The following TMEM237 variants were observed in gnomAD, a reference collection of about 807,000 sequenced individuals.
TMEM237 encodes the protein amyotrophic lateral sclerosis 2 (juvenile) chromosome region, candidate 4.
TMEM237 carries 51 observed loss-of-function variants against 59.1 expected under a neutral mutation model. The observed-to-expected ratio is 0.86, with a 90% CI of 0.69 to 1.09. TMEM237 has a LOEUF of 1.09. TMEM237 is among the 50% of genes least tolerant of loss of function. The pLI, the probability that TMEM237 is intolerant of heterozygous loss-of-function variation, is 0.00. For synonymous variants in TMEM237, 140 were observed against 166.1 expected, an observed-to-expected ratio of 0.84 and a Z score of 1.21; for missense variants, 475 against 478.3, an observed-to-expected ratio of 0.99 and a Z score of 0.06.
intron 10 of TMEM237, 122 bp from the exon 11 acceptor site, chr2:201,627,536 G>A (rs1384070690): frequency 3.2e-6 from 2 of 633,752 alleles, no homozygotes; most frequent in African/African-American, 1.8e-5. Context: ...AAATTTATTT[G>A]ACCAAATAAA....
intron 11 of TMEM237, among the ~76,000 whole-genome samples, chr2:201,626,534 G>GA (rs751155005): frequency 0.46 from 44,538 of 95,958 alleles, 9,470 homozygotes; most frequent in Non-Finnish European, 0.51. Context: ...AGCATTTGGG[G>GA]AAAAAAAAAA....
chr2:201,637,744 C>CAAAAAAA (rs60167652), intron 4 of TMEM237, among the ~76,000 whole-genome samples: 7 of 63,398 alleles, frequency 1.1e-4, no homozygotes, highest in African/African-American at 4.0e-4. Flanking sequence ...GACTCCGTCT[C>CAAAAAAA]AAAAAAAAAA....
At chr2:201,633,944 T>C (rs1574582930) in intron 5 of TMEM237, among the ~76,000 whole-genome samples, 1 of 152,272 alleles carries the variant, frequency 6.6e-6, no homozygotes, top group African/African-American at 2.4e-5. Context: ...AAGAAGCTCA[T>C]CAGAGACAGT....
chr2:201,631,695 G>C (rs1231169001), intron 7 of TMEM237, among the ~76,000 whole-genome samples: 1 of 152,126 alleles, frequency 6.6e-6, no homozygotes, highest in Admixed American at 6.6e-5. Context: ...TTTCCTTCAA[G>C]TCTTTTGTCC....
Position 201,622,634 on chromosome 2 carries a change from T to G in TMEM237, c.*1621A>C, listed in dbSNP as rs1051602432. 4 of 152,336 alleles carry G rather than the reference T, an allele frequency of 2.6e-5. No individual in the cohort carries two copies. The highest frequency in any genetic ancestry group is 9.6e-5 in the African/African-American group (4 of 41,476). 9.4% of individuals were successfully genotyped at this position (152,336 alleles called of 1,614,324 possible). ...CACAGACATAAAAGGCTTTCTTCTC[T>G]GCTTTTAAGGACTCATAAGATTACA... On this transcript the variant is annotated 3_prime_UTR_variant, in exon 13 of 13. Transcript: ENST00000409883.
rs926305395 is a variant in TMEM237 at position 201,635,561 on chromosome 2, A to C, written c.274+1187T>G. Among the ~76,000 whole-genome samples the C allele has an allele frequency of 6.6e-6, 1 of 152,248 alleles. No homozygotes were observed. The highest frequency in any genetic ancestry group is 1.5e-5 in the Non-Finnish European group (1 of 68,046). On this transcript the variant is annotated intron_variant, in intron 5 of 12. Transcript: ENST00000409883. This position sits in a 1 kb window ranked among gnomAD's most constrained non-coding sequence, Gnocchi z 4.5. ...CGGATCACCTGAGGTCAGGAGTTCA[A>C]GACAAGCCTGGCCAACATGGCAAAA...
intron 9 of TMEM237, 90 bp from the exon 10 acceptor site, chr2:201,628,239 T>A: frequency 1.2e-6 from 1 of 843,368 alleles, no homozygotes; most frequent in Non-Finnish European, 1.9e-6. Context: ...TTCTCTAGTC[T>A]AATGCTAGCA....
In TMEM237 at chr2:201,635,373, C is replaced by T. The variant is rs1440511654; in HGVS notation, c.274+1375G>A. Reference sequence around the variant, plus strand: ...TCCTTATAAGAGGGAAATGTGGACACAGACACACAAGGAAAAATGTGAAGA... The same window carrying T: ...TCCTTATAAGAGGGAAATGTGGACATAGACACACAAGGAAAAATGTGAAGA... On this transcript the variant is annotated intron_variant, in intron 5 of 12. Transcript: ENST00000409883. This position sits in a 1 kb window ranked among gnomAD's most constrained non-coding sequence, Gnocchi z 4.5. Among the ~76,000 whole-genome samples the T allele has an allele frequency of 1.3e-5, 2 of 152,176 alleles. No individual in the cohort carries two copies. The highest frequency in any genetic ancestry group is 2.9e-5 in the Non-Finnish European group (2 of 68,028).
rs1194979360 is a variant in TMEM237 at position 201,620,252 on chromosome 2, G to A, written c.*4003C>T. ...TTCTTAATATGGAAACCAAAGGTCTGCAAAATGTACTCTCCTAGCTCAGGA... is the reference window on the plus strand; with the variant it reads ...TTCTTAATATGGAAACCAAAGGTCTACAAAATGTACTCTCCTAGCTCAGGA... On this transcript the variant is annotated 3_prime_UTR_variant, in exon 13 of 13. Coordinates refer to ENST00000409883, the MANE Select transcript of TMEM237 (RefSeq NM_001044385.3). The A allele has an allele frequency of 1.3e-5, 2 of 152,152 alleles. No homozygotes were observed. Among genetic ancestry groups the A allele is most frequent in the African/African-American group, 4.8e-5 (2 of 41,438 alleles). 9.4% of individuals were successfully genotyped at this position (152,152 alleles called of 1,614,324 possible).
chr2:201,641,234 C>T (rs112981632), intron 1 of TMEM237, among the ~76,000 whole-genome samples: 2,782 of 152,176 alleles, frequency 0.018, 93 homozygotes, highest in East Asian at 0.17. Context: ...TCAGGAAATC[C>T]GCCCACCTTG....
chr2:201,629,353 ACATATAT>A lies in TMEM237; in HGVS notation c.739_745del (p.Ile247PhefsTer2). The stretch of plus-strand genomic sequence containing the variant: ...GTTGGATAGCTGATCTCCTGCTAGA[ACATATAT>A]CACAACAATATTCCACACAGCACAG... On this transcript the variant is annotated frameshift_variant, in exon 9 of 13. Transcript: ENST00000409883. LOFTEE classifies it high-confidence loss of function. The A allele has an allele frequency of 6.2e-7, 1 of 1,609,984 alleles. No individual in the cohort carries two copies. Among genetic ancestry groups the A allele is most frequent in the East Asian group, 2.2e-5 (1 of 44,828 alleles).
Position 201,629,817 on chromosome 2 carries a change from T to C in TMEM237, c.589A>G (p.Lys197Glu). 1 of 1,613,476 alleles carries C rather than the reference T, an allele frequency of 6.2e-7. No individual in the cohort carries two copies. The highest frequency in any genetic ancestry group is 8.5e-7 in the Non-Finnish European group (1 of 1,179,786). Residue 197 changes from lysine to glutamate, a missense_variant, in exon 8 of 13, where the codon AAG becomes GAG. Physicochemically the swap from Lys to Glu is moderately conservative, Grantham distance 56. Transcript: ENST00000409883. ...GACACATCTATGTTTTCTGTGGTCT[T>C]TATCAACTCTGAACGATCAGCAGCC... The part of the protein sequence containing the change: ...FQAADRSELI[K>E]TTENIDVSMD...
intron 1 of TMEM237, chr2:201,642,653 G>T: frequency 2.5e-6 from 4 of 1,607,534 alleles, no homozygotes; most frequent in South Asian, 2.2e-5. Context: ...CTCGGCGGCC[G>T]CCGGCCCCCA....
At chr2:201,627,206 T>G in intron 11 of TMEM237, 115 bp downstream of exon 11, 1 of 681,074 alleles carries the variant, frequency 1.5e-6, no homozygotes, top group Non-Finnish European at 2.5e-6. Flanking sequence ...TTTCTTGCCA[T>G]ATATTTGGAA....
In TMEM237 at chr2:201,624,082, A is replaced by C; in HGVS notation, c.*173T>G. The C allele has an allele frequency of 2.2e-6, 1 of 454,202 alleles. No homozygotes were observed. The highest frequency in any genetic ancestry group is 3.9e-6 in the Non-Finnish European group (1 of 259,510). The allele number at this position is 454,202 out of a possible 1,614,324, so 28.1% of individuals were successfully genotyped here. ...GATAATGCTAGACAAATTAATGTTT[A>C]GACATAAACAGCAAACACAATTTTA... On this transcript the variant is annotated 3_prime_UTR_variant, in exon 13 of 13. Coordinates refer to ENST00000409883, the MANE Select transcript of TMEM237 (RefSeq NM_001044385.3).
intron 1 of TMEM237, among the ~76,000 whole-genome samples, chr2:201,641,136 C>G (rs1687407057): frequency 6.6e-6 from 1 of 152,090 alleles, no homozygotes; most frequent in Non-Finnish European, 1.5e-5. Flanking sequence ...GGATTACAGG[C>G]ACCCACCACC....
Position 201,623,821 on chromosome 2 carries a change from T to C in TMEM237, c.*434A>G, listed in dbSNP as rs1957732643. 6.5e-6 allele frequency: 1 copy of C among 153,196 alleles called. No homozygotes were observed. Among genetic ancestry groups the C allele is most frequent in the Non-Finnish European group, 1.5e-5 (1 of 68,474 alleles). The allele number at this position is 153,196 out of a possible 1,614,324, so 9.5% of individuals were successfully genotyped here. On this transcript the variant is annotated 3_prime_UTR_variant, in exon 13 of 13. Coordinates refer to ENST00000409883, the MANE Select transcript of TMEM237 (RefSeq NM_001044385.3). ...CCAGTTTCAGAAAAGACAAACTTCA[T>C]ATTTCAATTTATTCAGTAAGGGGAG...
At chr2:201,642,682 C>T (rs767402625) in intron 1 of TMEM237, 1 of 1,601,040 alleles carries the variant, frequency 6.2e-7, no homozygotes, top group South Asian at 1.1e-5. Context: ...GCGCCCCACC[C>T]CTCCCGGCTC....
In TMEM237 at chr2:201,626,034, A is replaced by C. The variant is rs748301153; in HGVS notation, c.1151T>G (p.Leu384Arg). The stretch of plus-strand genomic sequence containing the variant: ...TTTTTTTTCTTTAATACCTTCACTA[A>C]GATCCATGCCTGGCCTATAAGACAA... ...LFLSYRPGMD[L>R]SEELMFSSEV... is the part of the protein sequence containing the mutation. Residue 384 changes from leucine to arginine, a missense_variant, in exon 12 of 13, where the codon CTT becomes CGT. By Grantham distance (102) the Leu-to-Arg change is moderately radical. Coordinates refer to ENST00000409883, the MANE Select transcript of TMEM237 (RefSeq NM_001044385.3). The C allele has an allele frequency of 1.9e-6, 3 of 1,584,748 alleles. No homozygotes were observed. The highest frequency in any genetic ancestry group is 1.7e-4 in the Middle Eastern group (1 of 6,028).
Sources: allele counts gnomAD v4.1 joint callset (sites outside exome capture counted in the v4.1 genomes callset), GRCh38; gene constraint gnomAD v4.1.1; non-coding constraint Gnocchi (gnomAD v3.1); transcripts MANE v1.5; gene names NCBI Gene and HGNC (gene_info 2026-07-23, HGNC 2026-07-21).